UBL3: variants seen among roughly 807,000 people sequenced by gnomAD.
The protein encoded by UBL3 is ubiquitin like 3, also known as ubiquitin-like protein 3.
In UBL3, 6 loss-of-function variants were observed where a neutral mutation model predicts 18.4. The observed-to-expected ratio is 0.33, with a 90% CI of 0.18 to 0.64. The LOEUF (loss-of-function observed/expected upper bound fraction) is 0.64. Ranked by LOEUF, UBL3 falls within the 30% of genes least tolerant of loss-of-function variation. UBL3 has a pLI of 0.76. For missense variants in UBL3, 109 were observed against 142.9 expected (o/e 0.76, Z 1.21); for synonymous variants, 49 against 46.6 (o/e 1.05, Z -0.21).
intron 1 of UBL3, among the ~76,000 whole-genome samples, chr13:29,842,130 CTTTCTTTTTT>C (rs1879116700): frequency 3.0e-5 from 2 of 65,780 alleles, no homozygotes; most frequent in African/African-American, 1.0e-4. Context: ...CTCCCATTCT[CTTTCTTTTTT>C]TTTTTTTTTT....
At chr13:29,815,515 T>C (rs1284837438) in intron 1 of UBL3, among the ~76,000 whole-genome samples, 5 of 152,170 alleles carry the variant, frequency 3.3e-5, no homozygotes, top group African/African-American at 7.2e-5. Flanking sequence ...CCAAGGAATA[T>C]GTATAACCCA....
In UBL3 at chr13:29,830,355, AAGGTATTT is replaced by A. The variant is rs1320384601; in HGVS notation, c.27+19149_27+19156del. 3.3e-5 allele frequency among the ~76,000 whole-genome samples: 5 copies of A among 152,338 alleles called. No individual in the cohort carries two copies. The East Asian group carries it at 9.6e-4, about 29-fold the overall frequency. On this transcript the variant is annotated intron_variant, in intron 1 of 4. Transcript: ENST00000380680. The stretch of plus-strand genomic sequence containing the variant: ...ACAACTTATCAATGAACCCAGAATA[AAGGTATTT>A]AGGGAAAAAGTTTTCCCAGCTTTTG...
At chr13:29,835,157 T>TATATAAAA (rs1878923495) in intron 1 of UBL3, among the ~76,000 whole-genome samples, 1 of 54,336 alleles carries the variant, frequency 1.8e-5, no homozygotes, top group Non-Finnish European at 3.1e-5. Flanking sequence ...TATATATATA[T>TATATAAAA]ATATATATAT....
At chr13:29,810,834 T>C (rs554385729) in intron 1 of UBL3, among the ~76,000 whole-genome samples, 1 of 152,226 alleles carries the variant, frequency 6.6e-6, no homozygotes, top group South Asian at 2.1e-4. Flanking sequence ...AACAGAAGGA[T>C]ACAAAATGAC....
chr13:29,823,601 A>G (rs1339720291), intron 1 of UBL3, among the ~76,000 whole-genome samples: 2 of 152,226 alleles, frequency 1.3e-5, no homozygotes, highest in African/African-American at 4.8e-5. Context: ...TTTACTATGG[A>G]GGATAACTGA....
intron 1 of UBL3, among the ~76,000 whole-genome samples, chr13:29,817,521 C>A (rs188996899): frequency 4.8e-4 from 73 of 152,164 alleles, no homozygotes; most frequent in African/African-American, 1.5e-3. Context: ...AGGGGAGGAA[C>A]AGGAAAGAGA....
chr13:29,820,389 T>C (rs1448726616), intron 1 of UBL3, among the ~76,000 whole-genome samples: 20 of 152,130 alleles, frequency 1.3e-4, no homozygotes. Flanking sequence ...TTGGCCAGGC[T>C]GGTCTTGAAC....
At position 29,849,979 on chromosome 13, in the gene UBL3, G is replaced by A. The variant is rs1483214839; in HGVS notation, c.-441C>T. ...TTAAGCAGGAGAAAAATGCCCCAGCGTGGATGTACACAGATAACTATGTAG... is the reference window on the plus strand; with the variant it reads ...TTAAGCAGGAGAAAAATGCCCCAGCATGGATGTACACAGATAACTATGTAG... On this transcript the variant is annotated 5_prime_UTR_variant, in exon 1 of 5. It adds an upstream start codon to the 5' untranslated region. Transcript: ENST00000380680. 3.7e-6 allele frequency: 1 copy of A among 269,566 alleles called. No individual in the cohort carries two copies. The highest frequency in any genetic ancestry group is 7.3e-6 in the Non-Finnish European group (1 of 136,384). The allele number at this position is 269,566 out of a possible 1,614,324, so 16.7% of individuals were successfully genotyped here. A position where few individuals can be genotyped will look rare whatever the true frequency, so the allele number is the denominator to read the frequency against.
intron 2 of UBL3, among the ~76,000 whole-genome samples, chr13:29,773,923 A>G (rs933072156): frequency 3.9e-5 from 6 of 152,182 alleles, no homozygotes; most frequent in African/African-American, 1.2e-4. Context: ...TCTGCTATTA[A>G]TATTTGCCAC....
intron 1 of UBL3, among the ~76,000 whole-genome samples, chr13:29,820,169 C>CTTTTTTTT (rs36050662): frequency 9.5e-6 from 1 of 104,968 alleles, no homozygotes; most frequent in Non-Finnish European, 1.8e-5. Flanking sequence ...CTCAGAGTTC[C>CTTTTTTTT]TTTTTTTTTT....
rs1876647594 is a variant in UBL3 at position 29,765,273 on chromosome 13, A to T, written c.*1982T>A. The stretch of plus-strand genomic sequence containing the variant: ...AGTTTGTTTTACAAAATAGAGCCAT[A>T]AATTGTTTAATTGCCCAATTAAGCA... On this transcript the variant is annotated 3_prime_UTR_variant, in exon 5 of 5. Transcript: ENST00000380680. The T allele has an allele frequency of 1.3e-5, 2 of 152,182 alleles. No homozygotes were observed. The highest frequency in any genetic ancestry group is 4.8e-5 in the African/African-American group (2 of 41,458). 9.4% of individuals were successfully genotyped at this position (152,182 alleles called of 1,614,324 possible).
At chr13:29,817,464 G>A (rs1214204038) in intron 1 of UBL3, among the ~76,000 whole-genome samples, 2 of 152,128 alleles carry the variant, frequency 1.3e-5, no homozygotes, top group Admixed American at 1.3e-4. Context: ...AGGGGTACAG[G>A]GTTATGATGA....
intron 1 of UBL3, among the ~76,000 whole-genome samples, chr13:29,795,217 C>A (rs922271339): frequency 6.6e-6 from 1 of 152,090 alleles, no homozygotes; most frequent in Non-Finnish European, 1.5e-5. Flanking sequence ...TGGAGCCTAA[C>A]CAATGCTGAT....
intron 1 of UBL3, among the ~76,000 whole-genome samples, chr13:29,780,520 C>CA (rs1309024202): frequency 2.0e-5 from 3 of 149,864 alleles, no homozygotes; most frequent in South Asian, 2.1e-4. Context: ...AGAAGGTTGA[C>CA]AAAAAAATCA....
chr13:29,823,173 G>A (rs1038764185), intron 1 of UBL3, among the ~76,000 whole-genome samples: 3 of 151,860 alleles, frequency 2.0e-5, no homozygotes, highest in Non-Finnish European at 2.9e-5. Context: ...GAAGGAGTTC[G>A]CTCCTGTTGC....
At chr13:29,790,143 A>G (rs2139323516) in intron 1 of UBL3, among the ~76,000 whole-genome samples, 1 of 152,326 alleles carries the variant, frequency 6.6e-6, no homozygotes, top group South Asian at 2.1e-4. Flanking sequence ...ATTGTTCTAG[A>G]TGACTGTTAA....
chr13:29,778,448 G>GTAAGATCCTAC, intron 1 of UBL3, among the ~76,000 whole-genome samples: 1 of 152,152 alleles, frequency 6.6e-6, no homozygotes. Context: ...AAAAGAGTAA[G>GTAAGATCCTAC]TAAGATCCTA....
intron 1 of UBL3, among the ~76,000 whole-genome samples, chr13:29,806,740 T>C (rs1877907632): frequency 6.6e-6 from 1 of 152,220 alleles, no homozygotes; most frequent in South Asian, 2.1e-4. Flanking sequence ...TGGCTTCACG[T>C]GATCACTGCC....
At chr13:29,845,606 T>G (rs1176201384) in intron 1 of UBL3, among the ~76,000 whole-genome samples, 1 of 152,112 alleles carries the variant, frequency 6.6e-6, no homozygotes, top group Non-Finnish European at 1.5e-5. Flanking sequence ...GAAATGTATT[T>G]TAGTAATTTC....
Sources: allele counts gnomAD v4.1 joint callset (sites outside exome capture counted in the v4.1 genomes callset), GRCh38; gene constraint gnomAD v4.1.1; transcripts MANE v1.5; gene names NCBI Gene and HGNC (gene_info 2026-07-23, HGNC 2026-07-21).